Variants in ZFC3H1 observed in about 807,000 individuals in gnomAD.
ZFC3H1 encodes zinc finger C3H1-type containing.
Under a neutral mutation model 243.7 loss-of-function variants are expected in ZFC3H1, and 71 were observed. That is an observed-to-expected ratio of 0.29 (90% CI 0.24 to 0.36). The LOEUF is 0.36. Ranked by LOEUF, ZFC3H1 falls within the 10% of genes least tolerant of loss-of-function variation. The probability of loss-of-function intolerance (pLI) is 1.00; values close to 1 mark genes in which losing one functional copy is unlikely to be tolerated. For missense variants in ZFC3H1, 1,966 were observed against 2,317.1 expected (o/e 0.85, Z 3.11); for synonymous variants, 838 against 813.0 (o/e 1.03, Z -0.52).
intron 7 of ZFC3H1, 83 bp downstream of exon 7, chr12:71,638,335 C>G: frequency 1.4e-6 from 2 of 1,399,994 alleles, no homozygotes; most frequent in East Asian, 5.0e-5. Context: ...TTTAAGCCCT[C>G]TTCAAACCTA....
intron 21 of ZFC3H1, among the ~76,000 whole-genome samples, chr12:71,627,226 T>C (rs1298462): frequency 0.53 from 81,023 of 151,984 alleles, 25,307 homozygotes; most frequent in Middle Eastern, 0.72. Context: ...AAGATGCCAT[T>C]TGCAATACAA....
At chr12:71,645,149 C>A (rs1880697114) in intron 3 of ZFC3H1, 74 bp from the exon 4 acceptor site, 1 of 1,397,592 alleles carries the variant, frequency 7.2e-7, no homozygotes. Context: ...AAGTCAAATC[C>A]TTTATGATAA....
chr12:71,616,449 T>C (rs894860132), intron 27 of ZFC3H1, among the ~76,000 whole-genome samples: 5 of 152,182 alleles, frequency 3.3e-5, no homozygotes, highest in African/African-American at 9.7e-5. Context: ...AAAAGATCTA[T>C]GATCAAATAA....
intron 27 of ZFC3H1, among the ~76,000 whole-genome samples, chr12:71,616,891 T>G (rs1280419306): frequency 6.6e-6 from 1 of 152,204 alleles, no homozygotes; most frequent in Non-Finnish European, 1.5e-5. Context: ...TCAGAAGAGA[T>G]GACTTCAAAT....
chr12:71,651,072 C>CTGGTTAAA (rs925143367), intron 2 of ZFC3H1, among the ~76,000 whole-genome samples: 2 of 152,174 alleles, frequency 1.3e-5, no homozygotes, highest in African/African-American at 4.8e-5. Context: ...AACAGAAGGG[C>CTGGTTAAA]TGGTTAAATA....
chr12:71,633,313 T>C lies in ZFC3H1; in HGVS notation c.2636A>G (p.Glu879Gly). The change falls in exon 13 of 35, where the codon GAA (glutamate) becomes GGA (glycine). Residue 879 changes from glutamate to glycine, a missense_variant. By Grantham distance (98) the Glu-to-Gly change is moderately conservative. Coordinates refer to ENST00000378743, the MANE Select transcript of ZFC3H1 (RefSeq NM_144982.5). ...CATTCTGTTAACATTAAGAATTTTT[T>C]CAGTTGCTTGAAGCTGTTCTGTAAG... ...TKLTEQLQATEKILNVNRMFL... is the reference protein window; with the variant it reads ...TKLTEQLQATGKILNVNRMFL... The C allele has an allele frequency of 6.3e-7, 1 of 1,595,220 alleles. No homozygotes were observed. Among genetic ancestry groups the C allele is most frequent in the South Asian group, 1.2e-5 (1 of 86,362 alleles).
rs376939632 is a variant in ZFC3H1 at position 71,633,343 on chromosome 12, G to A, written c.2606C>T (p.Thr869Ile). Residue 869 changes from threonine to isoleucine, a missense_variant, in exon 13 of 35, where the codon ACA becomes ATA. Physicochemically the swap from Thr to Ile is moderately conservative, Grantham distance 89. This residue lies in a region of ZFC3H1 where 1,383 missense variants were observed against 1,723.7 expected (regional missense o/e 0.80). Coordinates refer to ENST00000378743, the MANE Select transcript of ZFC3H1 (RefSeq NM_144982.5). The stretch of plus-strand genomic sequence containing the variant: ...TGCTTGAAGCTGTTCTGTAAGTTTT[G>A]TAATCTTTGCTTCAGCATTTCTAAC... ...ESVRNAEAKI[T>I]KLTEQLQATE... The A allele has an allele frequency of 2.5e-6, 4 of 1,603,010 alleles. No individual in the cohort carries two copies. The highest frequency in any genetic ancestry group is 2.7e-5 in the African/African-American group (2 of 74,536).
intron 1 of ZFC3H1, 38 bp downstream of exon 1, chr12:71,662,975 A>G (rs1204546981): frequency 6.5e-7 from 1 of 1,538,326 alleles, no homozygotes; most frequent in Non-Finnish European, 8.7e-7. Context: ...AGGGAACTTT[A>G]GTGACACACC....
intron 12 of ZFC3H1, 24 bp downstream of exon 12, chr12:71,634,131 A>C (rs748851839): frequency 6.2e-7 from 1 of 1,601,450 alleles, no homozygotes; most frequent in East Asian, 2.2e-5. Context: ...GAACAATTAG[A>C]TATGTGAAGA....
intron 18 of ZFC3H1, among the ~76,000 whole-genome samples, chr12:71,630,347 T>C (rs80171474): frequency 0.058 from 8,854 of 152,296 alleles, 361 homozygotes; most frequent in South Asian, 0.087. Flanking sequence ...ATGTTGGAAA[T>C]GTCTTAAATC....
At chr12:71,644,447 TC>T in intron 4 of ZFC3H1, 129 bp from the exon 5 acceptor site, 2 of 995,602 alleles carry the variant, frequency 2.0e-6, no homozygotes, top group Non-Finnish European at 2.9e-6. Flanking sequence ...AAGATTGTCT[TC>T]CATTTTAGGG....
At chr12:71,642,605 G>T (rs1323002963) in intron 5 of ZFC3H1, 46 bp from the exon 6 acceptor site, 2 of 1,564,312 alleles carry the variant, frequency 1.3e-6, no homozygotes, top group African/African-American at 1.4e-5. Flanking sequence ...TTCTGTCTTG[G>T]GTTACAAATC....
At chr12:71,635,721 C>T (rs990177126) in intron 9 of ZFC3H1, 141 bp from the exon 10 acceptor site, 6 of 632,276 alleles carry the variant, frequency 9.5e-6, no homozygotes, top group African/African-American at 3.8e-5. Flanking sequence ...TCCACTGAGT[C>T]GACCAATACT....
At chr12:71,620,423 T>C (rs1179105870) in intron 24 of ZFC3H1, 108 bp from the exon 25 acceptor site, 2 of 1,056,068 alleles carry the variant, frequency 1.9e-6, no homozygotes, top group African/African-American at 1.6e-5. Context: ...GACCCCTCCC[T>C]TTGATTACCC....
At chr12:71,656,554 T>A in intron 2 of ZFC3H1, 2 of 654,986 alleles carry the variant, frequency 3.1e-6, no homozygotes, top group Non-Finnish European at 5.4e-6. Context: ...CTTTACCCGA[T>A]AAGGGATACC....
chr12:71,656,655 T>G, intron 2 of ZFC3H1: 1 of 585,870 alleles, frequency 1.7e-6, no homozygotes. Context: ...ATCACTTATG[T>G]ATAACATTCT....
chr12:71,614,737 A>C, intron 29 of ZFC3H1, 37 bp from the exon 30 acceptor site: 1 of 1,593,030 alleles, frequency 6.3e-7, no homozygotes, highest in Admixed American at 1.8e-5. Context: ...AGAATAACTA[A>C]GACAGTAGTT....
chr12:71,619,818 AAC>A, intron 26 of ZFC3H1, 106 bp downstream of exon 26: 1 of 997,714 alleles, frequency 1.0e-6, no homozygotes, highest in Admixed American at 2.6e-5. Context: ...AGGAACACCT[AAC>A]ACTGCTTGCA....
intron 2 of ZFC3H1, among the ~76,000 whole-genome samples, chr12:71,649,053 T>C (rs1028402474): frequency 2.1e-5 from 3 of 144,308 alleles, no homozygotes; most frequent in African/African-American, 7.8e-5. Context: ...ATTGTACCAC[T>C]GTACTCCATC....
Sources: gnomAD v4.1 joint callset for allele counts (sites outside exome capture counted in the v4.1 genomes callset) on GRCh38, gnomAD v4.1.1 for gene constraint, gnomAD v4.1.1 regional missense constraint, MANE v1.5 for transcripts, NCBI Gene and HGNC (gene_info 2026-07-23, HGNC 2026-07-21) for gene names.